The following DCHS2 variants were observed in gnomAD, a reference collection of about 807,000 sequenced individuals.
The protein encoded by DCHS2 is dachsous cadherin-related 2.
Under a neutral mutation model 182.4 loss-of-function variants are expected in DCHS2, and 142 were observed. The observed-to-expected ratio is 0.78, with a 90% CI of 0.68 to 0.89. DCHS2 has a LOEUF of 0.89. Among genes scored for constraint, DCHS2 ranks in the 40% least tolerant of loss-of-function variants. The pLI is 0.00. For missense variants in DCHS2, 4,319 were observed against 4,198.6 expected, an observed-to-expected ratio of 1.03 and a Z score of -0.79; for synonymous variants, 1,740 against 1,663.3, an observed-to-expected ratio of 1.05 and a Z score of -1.12.
In DCHS2 at chr4:154,418,626, C is replaced by T. The variant is rs145767853; in HGVS notation, c.2053-41182G>A. On this transcript the variant is annotated intron_variant, in intron 1 of 19. Transcript: ENST00000357232. ...GTTGTTCTCCCCTTTTAGATCCATG[C>T]ACTCTTTTTAGTTAAGCATTTTGTA... 2.7e-3 allele frequency among the ~76,000 whole-genome samples: 408 copies of T among 152,300 alleles called. 1 individual carries two copies. Among genetic ancestry groups the T allele is most frequent in the African/African-American group, 9.4e-3 (390 of 41,568 alleles).
chr4:154,259,599 G>C lies in DCHS2; in HGVS notation c.6735C>G (p.Ser2245Arg). 6.2e-7 allele frequency: 1 copy of C among 1,613,782 alleles called. No individual in the cohort carries two copies. The highest frequency in any genetic ancestry group is 2.2e-5 in the East Asian group (1 of 44,832). The change falls in exon 15 of 20, where the codon AGC becomes AGG. Residue 2245 changes from serine to arginine, a missense_variant. Ser to Arg is a moderately radical substitution (Grantham distance 110). Transcript: ENST00000357232. ...TTTCAGACACTGATGCCTGGTAAAT[G>C]CTTTGTTCAAAGCATGGTGAATTAT... is the stretch of plus-strand genomic sequence containing the variant. ...ENDNSPCFEQ[S>R]IYQASVSESQ... is the part of the protein sequence containing the mutation.
intron 3 of DCHS2, among the ~76,000 whole-genome samples, chr4:154,339,562 G>A (rs1012379867): frequency 1.3e-5 from 2 of 150,994 alleles, no homozygotes; most frequent in South Asian, 2.1e-4. Context: ...CGATTCTCCC[G>A]CCTCAGCCTC....
intron 1 of DCHS2, among the ~76,000 whole-genome samples, chr4:154,461,590 CTT>C (rs1416881953): frequency 2.0e-5 from 3 of 151,766 alleles, no homozygotes; most frequent in African/African-American, 7.3e-5. Context: ...CAGATCATAA[CTT>C]AGAATAGAAG....
chr4:154,422,522 C>T (rs1733155228), intron 1 of DCHS2, among the ~76,000 whole-genome samples: 2 of 152,226 alleles, frequency 1.3e-5, no homozygotes, highest in Admixed American at 1.3e-4. Flanking sequence ...TTACATTAAT[C>T]TCCAAAGGTC....
rs1344467571 is a variant in DCHS2, at chr4:154,489,951, G to A, written c.1405C>T (p.Leu469=). 2 of 1,543,682 alleles carry A rather than the reference G, an allele frequency of 1.3e-6. No homozygotes were observed. Among genetic ancestry groups the A allele is most frequent in the African/African-American group, 1.4e-5 (1 of 72,726 alleles). The change falls in exon 1 of 20, where the codon CTG becomes TTG. Residue 469 remains leucine (L), a synonymous_variant. Coordinates refer to ENST00000357232, the MANE Select transcript of DCHS2 (RefSeq NM_001358235.2). ...TCTCCCTCTCCGCCTTCCAAGGACA[G>A]AGAGATGCTCCCGTCTCCAAGACCC... The part of the protein sequence containing the change: ...GVGLGDGSIS[L]SLEGGEGDFA...
At chr4:154,246,942 A>G (rs1358014147) in intron 16 of DCHS2, among the ~76,000 whole-genome samples, 5 of 152,188 alleles carry the variant, frequency 3.3e-5, no homozygotes, top group Non-Finnish European at 5.9e-5. Flanking sequence ...ATTCAGGAAA[A>G]TGAAACAGGG....
chr4:154,332,637 AGGT>A lies in DCHS2; in HGVS notation c.3568_3570del (p.Thr1190del). 1 of 1,614,264 alleles carries A rather than the reference AGGT, an allele frequency of 6.2e-7. No homozygotes were observed. The highest frequency in any genetic ancestry group is 1.1e-5 in the South Asian group (1 of 91,086). Reference sequence around the variant, plus strand: ...TTCAAAAACAACACATCATGCAAGAAGGTGGGGGAATTGTCATTCTCATCCCAG... The same window carrying A: ...TTCAAAAACAACACATCATGCAAGAAGGGGGAATTGTCATTCTCATCCCAG... On this transcript the variant is annotated inframe_deletion, in exon 5 of 20. Coordinates refer to ENST00000357232, the MANE Select transcript of DCHS2 (RefSeq NM_001358235.2).
intron 14 of DCHS2, among the ~76,000 whole-genome samples, chr4:154,268,024 C>T (rs972657937): frequency 6.6e-6 from 1 of 152,180 alleles, no homozygotes; most frequent in Non-Finnish European, 1.5e-5. Flanking sequence ...AAATTTAATG[C>T]CTTTTCCATT....
chr4:154,265,861 G>C (rs553368917), intron 14 of DCHS2, among the ~76,000 whole-genome samples: 1 of 152,174 alleles, frequency 6.6e-6, no homozygotes, highest in South Asian at 2.1e-4. Context: ...TTCCCTGTGG[G>C]GGATATATTC....
intron 2 of DCHS2, chr4:154,374,206 G>A (rs565786847): frequency 1.5e-4 from 72 of 467,518 alleles, no homozygotes; most frequent in Non-Finnish European, 2.5e-4. Flanking sequence ...GCAGTTCTAC[G>A]ACTACAAGGA....
At position 154,304,732 on chromosome 4, in the gene DCHS2, A is replaced by G; in HGVS notation, c.5542T>C (p.Tyr1848His). The change falls in exon 12 of 20, where the codon TAT becomes CAT. Residue 1848 changes from tyrosine to histidine, a missense_variant. Coordinates refer to ENST00000357232, the MANE Select transcript of DCHS2 (RefSeq NM_001358235.2). ...VLENQEPEVV[Y>H]TVLASDMDAG... The stretch of plus-strand genomic sequence containing the variant: ...TCCATATCAGAGGCTAAAACCGTAT[A>G]GACAACCTCTGGTTCCTGGTTTTCC... 1.9e-6 allele frequency: 3 copies of G among 1,614,088 alleles called. No individual in the cohort carries two copies. Among genetic ancestry groups the G allele is most frequent in the African/African-American group, 1.3e-5 (1 of 75,050 alleles).
intron 1 of DCHS2, among the ~76,000 whole-genome samples, chr4:154,465,714 A>C (rs1241087305): frequency 6.6e-6 from 1 of 151,970 alleles, no homozygotes; most frequent in Non-Finnish European, 1.5e-5. Context: ...ATTTTCTATT[A>C]GTCAGAAGTG....
chr4:154,418,866 T>A (rs994165858), intron 1 of DCHS2, among the ~76,000 whole-genome samples: 1 of 152,242 alleles, frequency 6.6e-6, no homozygotes, highest in African/African-American at 2.4e-5. Flanking sequence ...CACCATTCCA[T>A]AAGCTTTTGT....
rs149923949 is a variant in DCHS2, at chr4:154,294,741, AAC to A, written c.6463+3108_6463+3109del. Among the ~76,000 whole-genome samples, 897 of 152,314 alleles carry A rather than the reference AAC, an allele frequency of 5.9e-3. 7 individuals are homozygous for A. The highest frequency in any genetic ancestry group is 1.0e-2 in the Non-Finnish European group (680 of 68,032). ...GGCCGAGCCTTGACAGAGGTGTTAA[AAC>A]ACCAACAGGGAATGTGTAAATCAAA... On this transcript the variant is annotated intron_variant, in intron 13 of 19. Coordinates refer to ENST00000357232, the MANE Select transcript of DCHS2 (RefSeq NM_001358235.2).
In DCHS2 at chr4:154,256,882, G is replaced by A. The variant is rs1335784360; in HGVS notation, c.6790-1212C>T. Reference sequence around the variant, plus strand: ...CCAGGAGCTCATCAGACAGGGGACAGCTCTTGGGACCGAAAGGCTGCAATA... The same window carrying A: ...CCAGGAGCTCATCAGACAGGGGACAACTCTTGGGACCGAAAGGCTGCAATA... On this transcript the variant is annotated intron_variant, in intron 15 of 19. Coordinates refer to ENST00000357232, the MANE Select transcript of DCHS2 (RefSeq NM_001358235.2). 3.3e-5 allele frequency among the ~76,000 whole-genome samples: 5 copies of A among 152,266 alleles called. No homozygotes were observed. The East Asian group carries it at 7.7e-4, about 24-fold the overall frequency.
In DCHS2 at chr4:154,237,173, CAT is replaced by C; in HGVS notation, c.7493-16_7493-15del. The C allele has an allele frequency of 1.9e-6, 3 of 1,591,908 alleles. No individual in the cohort carries two copies. Among genetic ancestry groups the C allele is most frequent in the South Asian group, 2.3e-5 (2 of 87,384 alleles). On this transcript the variant is annotated splice_polypyrimidine_tract_variant and intron_variant, in intron 19 of 19. Transcript: ENST00000357232. ...TAAATATTGTGCCTGAAAAATAAGA[CAT>C]AGTATTTCAACACTGTGAGGTGCAG...
rs1731406144 is a variant in DCHS2 at position 154,235,244 on chromosome 4, C to CT, written c.9407_9408insA (p.Arg3137GlufsTer14). On this transcript the variant is annotated frameshift_variant, in exon 20 of 20. Coordinates refer to ENST00000357232, the MANE Select transcript of DCHS2 (RefSeq NM_001358235.2). LOFTEE classifies it low-confidence loss of function (END_TRUNC). Reference sequence around the variant, plus strand: ...GGCAGGAGAGCTGGTCTGAGTCCCTCGGGATACCCGAGTCTGGCACCCTGG... The same window carrying CT: ...GGCAGGAGAGCTGGTCTGAGTCCCTCTGGGATACCCGAGTCTGGCACCCTGG... The CT allele has an allele frequency of 5.6e-6, 9 of 1,614,044 alleles. No homozygotes were observed. In the Admixed American group the frequency reaches 1.5e-4, roughly 27 times the overall value.
chr4:154,365,466 G>A (rs1368353373), intron 3 of DCHS2, among the ~76,000 whole-genome samples: 1 of 151,742 alleles, frequency 6.6e-6, no homozygotes, highest in African/African-American at 2.4e-5. Flanking sequence ...TATTATCAGT[G>A]TTACTTTTTT....
chr4:154,257,388 T>G (rs564321910), intron 15 of DCHS2, among the ~76,000 whole-genome samples: 1 of 152,220 alleles, frequency 6.6e-6, no homozygotes, highest in African/African-American at 2.4e-5. Flanking sequence ...AGAGCCTGAG[T>G]GGCTCTAGGG....
Sources: gnomAD v4.1 joint callset for allele counts (sites outside exome capture counted in the v4.1 genomes callset) on GRCh38, gnomAD v4.1.1 for gene constraint, MANE v1.5 for transcripts, NCBI Gene and HGNC (gene_info 2026-07-23, HGNC 2026-07-21) for gene names.